PCDHB9: variants seen among roughly 807,000 people sequenced by gnomAD.
PCDHB9 encodes the protein protocadherin beta 9, also known as protocadherin beta-9.
For synonymous variants in PCDHB9, 501 were observed against 439.7 expected, an observed-to-expected ratio of 1.14 and a Z score of -1.75; for missense variants, 1,072 against 995.1, an observed-to-expected ratio of 1.08 and a Z score of -1.04.
At position 141,188,848 on chromosome 5, in the gene PCDHB9, T is replaced by C. The variant is rs199746910; in HGVS notation, c.1530T>C (p.Asn510=). ...LASLVSINAD[N]GHLFALRSLD... is the part of the protein sequence containing the mutation. ...CCCTGGTCTCCATCAACGCGGACAA[T>C]GGCCACCTGTTTGCCCTCAGGTCGC... Residue 510 remains asparagine, a synonymous_variant, in exon 1 of 1, where the codon AAT becomes AAC. Transcript: ENST00000316105. 3,200 of 1,612,844 alleles carry C rather than the reference T, an allele frequency of 2.0e-3. 73 individuals carry two copies. In the African/African-American group the frequency reaches 0.035, roughly 18 times the overall value.
At position 141,187,674 on chromosome 5, in the gene PCDHB9, C is replaced by A; in HGVS notation, c.356C>A (p.Ala119Asp). The A allele has an allele frequency of 6.2e-7, 1 of 1,613,970 alleles. No individual in the cohort carries two copies. The highest frequency in any genetic ancestry group is 8.5e-7 in the Non-Finnish European group (1 of 1,180,000). The change falls in exon 1 of 1, where the codon GCT becomes GAT. Residue 119 changes from alanine (A) to aspartate (D), a missense_variant. By Grantham distance (126) the Ala-to-Asp change is moderately radical. Transcript: ENST00000316105. The stretch of plus-strand genomic sequence containing the variant: ...GATGATCCCTTTCAGATTTACCGGG[C>A]TGAGCTGAGAGTCAGGGATATAAAT... ...LMDDPFQIYR[A>D]ELRVRDINDH...
chr5:141,188,750 A>C lies in PCDHB9; in HGVS notation c.1432A>C (p.Arg478=). The C allele has an allele frequency of 6.2e-7, 1 of 1,613,222 alleles. No homozygotes were observed. The highest frequency in any genetic ancestry group is 8.5e-7 in the Non-Finnish European group (1 of 1,180,028). ...CATCGGCAGTGTCAGCGCCACAGAC[A>C]GAGACTCAGGCACCAACGCCCAGGT... is the stretch of plus-strand genomic sequence containing the variant. ...LHIGSVSATD[R]DSGTNAQVTY... The change falls in exon 1 of 1, where the codon AGA becomes CGA. Residue 478 remains arginine (R), a synonymous_variant. Transcript: ENST00000316105.
chr5:141,189,340 G>A lies in PCDHB9; in HGVS notation c.2022G>A (p.Pro674=). Residue 674 remains proline, a synonymous_variant, in exon 1 of 1, where the codon CCG becomes CCA. Coordinates refer to ENST00000316105, the MANE Select transcript of PCDHB9 (RefSeq NM_019119.5). The stretch of plus-strand genomic sequence containing the variant: ...TCTCCCAGCCCTACCTGCCTCTCCC[G>A]GAGGCGGCCCCGGCCCAGGCCCAGG... ...DGFSQPYLPL[P]EAAPAQAQAD... 8 of 1,611,180 alleles carry A rather than the reference G, an allele frequency of 5.0e-6. No homozygotes were observed. The highest frequency in any genetic ancestry group is 1.1e-5 in the South Asian group (1 of 91,022).
Position 141,187,270 on chromosome 5 carries a change from T to A in PCDHB9, c.-49T>A. 6.4e-7 allele frequency: 1 copy of A among 1,553,818 alleles called. No homozygotes were observed. The highest frequency in any genetic ancestry group is 8.7e-7 in the Non-Finnish European group (1 of 1,145,516). On this transcript the variant is annotated 5_prime_UTR_variant, in exon 1 of 1. The change creates a new upstream start codon in the 5' untranslated region. Transcript: ENST00000316105. ...ATAAGTCTGGGTTTGCGATTGCTAT[T>A]TGTGCTGGGGCAGTGTGATTGAGAC...
In PCDHB9 at chr5:141,188,191, G is replaced by T. The variant is rs782811539; in HGVS notation, c.873G>T (p.Thr291=). 3.7e-6 allele frequency: 6 copies of T among 1,611,238 alleles called. No individual in the cohort carries two copies. Among genetic ancestry groups the T allele is most frequent in the Non-Finnish European group, 5.1e-6 (6 of 1,178,430 alleles). The change falls in exon 1 of 1, where the codon ACG becomes ACT. Residue 291 remains threonine (T), a synonymous_variant. Coordinates refer to ENST00000316105, the MANE Select transcript of PCDHB9 (RefSeq NM_019119.5). Reference sequence around the variant, plus strand: ...ATGCTTCTGAAGATATTTTAACAACGTTTCAAATCAATCCTTTTTCTGGGG... The same window carrying T: ...ATGCTTCTGAAGATATTTTAACAACTTTTCAAATCAATCCTTTTTCTGGGG... ...FFDASEDILT[T]FQINPFSGEI...
chr5:141,189,635 C>T lies in PCDHB9; in HGVS notation c.2317C>T (p.His773Tyr), dbSNP rs1230699647. 1.2e-6 allele frequency: 2 copies of T among 1,613,982 alleles called. No homozygotes were observed. Among genetic ancestry groups the T allele is most frequent in the Non-Finnish European group, 1.7e-6 (2 of 1,180,020 alleles). ...EFKFLKPITP[H>Y]LPPHRGGKEI... Reference sequence around the variant, plus strand: ...CAAGTTCTTGAAGCCGATTACCCCCCACCTCCCGCCCCATAGGGGTGGGAA... The same window carrying T: ...CAAGTTCTTGAAGCCGATTACCCCCTACCTCCCGCCCCATAGGGGTGGGAA... The change falls in exon 1 of 1, where the codon CAC becomes TAC. Residue 773 changes from histidine to tyrosine, a missense_variant. His to Tyr is a moderately conservative substitution (Grantham distance 83). Coordinates refer to ENST00000316105, the MANE Select transcript of PCDHB9 (RefSeq NM_019119.5).
At position 141,189,841 on chromosome 5, in the gene PCDHB9, T is replaced by G; in HGVS notation, c.*129T>G. On this transcript the variant is annotated 3_prime_UTR_variant, in exon 1 of 1. Coordinates refer to ENST00000316105, the MANE Select transcript of PCDHB9 (RefSeq NM_019119.5). Reference sequence around the variant, plus strand: ...CATCTTCAACTTTGCGTATTATGCTTAACTTCACAAGTTAACTTTTTCTTA... The same window carrying G: ...CATCTTCAACTTTGCGTATTATGCTGAACTTCACAAGTTAACTTTTTCTTA... 1.3e-6 allele frequency: 1 copy of G among 742,188 alleles called. No individual in the cohort carries two copies. The allele number at this position is 742,188 out of a possible 1,614,324, so 46.0% of individuals were successfully genotyped here. A position where few individuals can be genotyped will look rare whatever the true frequency, so the allele number is the denominator to read the frequency against.
Position 141,188,222 on chromosome 5 carries a change from T to A in PCDHB9, c.904T>A (p.Phe302Ile), listed in dbSNP as rs536403080. 2.5e-5 allele frequency: 41 copies of A among 1,613,084 alleles called. No homozygotes were observed. The East Asian group carries it at 9.1e-4, about 36-fold the overall frequency. ...AATCAATCCTTTTTCTGGGGAAATC[T>A]TTCTCAGAGAATTGCTTGATTATGA... is the stretch of plus-strand genomic sequence containing the variant. ...FQINPFSGEI[F>I]LRELLDYELV... The change falls in exon 1 of 1, where the codon TTT becomes ATT. Residue 302 changes from phenylalanine to isoleucine, a missense_variant. Phe to Ile is a conservative substitution (Grantham distance 21). Transcript: ENST00000316105.
chr5:141,188,365 A>G lies in PCDHB9; in HGVS notation c.1047A>G (p.Ile349Met). 2 of 1,614,088 alleles carry G rather than the reference A, an allele frequency of 1.2e-6. No homozygotes were observed. Among genetic ancestry groups the G allele is most frequent in the Non-Finnish European group, 1.7e-6 (2 of 1,179,968 alleles). The change falls in exon 1 of 1, where the codon ATA becomes ATG. Residue 349 changes from isoleucine (I) to methionine (M), a missense_variant. Transcript: ENST00000316105. ...ATGACAATCCTCCTGAACTGATCAT[A>G]TCATCACTTTCCAACTCTGTTGCTG... ...DSNDNPPELI[I>M]SSLSNSVAEN...
rs1032686641 is a variant in PCDHB9 at position 141,190,959 on chromosome 5, T to C, written c.*1247T>C. 6 of 152,262 alleles carry C rather than the reference T, an allele frequency of 3.9e-5. No homozygotes were observed. The highest frequency in any genetic ancestry group is 7.4e-5 in the Non-Finnish European group (5 of 68,026). The allele number at this position is 152,262 out of a possible 1,614,324, so 9.4% of individuals were successfully genotyped here. ...AGACAAAATAGAGCTTCTTTCTAGA[T>C]ATAAGGTCTTTGAGGCAGGGCTCAG... is the stretch of plus-strand genomic sequence containing the variant. On this transcript the variant is annotated 3_prime_UTR_variant, in exon 1 of 1. Transcript: ENST00000316105.
rs1753884520 is a variant in PCDHB9, at chr5:141,190,711, T to G, written c.*999T>G. ...TATAGGATCATGTGAAAATATTTAA[T>G]TTGCTCCTTTTAATTCTGTATAAAC... On this transcript the variant is annotated 3_prime_UTR_variant, in exon 1 of 1. Coordinates refer to ENST00000316105, the MANE Select transcript of PCDHB9 (RefSeq NM_019119.5). 6.7e-6 allele frequency: 1 copy of G among 149,456 alleles called. No individual in the cohort carries two copies. The highest frequency in any genetic ancestry group is 2.5e-5 in the African/African-American group (1 of 40,552). The allele number at this position is 149,456 out of a possible 1,614,324, so 9.3% of individuals were successfully genotyped here. A position where few individuals can be genotyped will look rare whatever the true frequency, so the allele number is the denominator to read the frequency against.
chr5:141,189,003 T>C lies in PCDHB9; in HGVS notation c.1685T>C (p.Leu562Pro), dbSNP rs782819620. 29 of 1,611,056 alleles carry C rather than the reference T, an allele frequency of 1.8e-5. No homozygotes were observed. In the Admixed American group the frequency reaches 4.0e-4, roughly 22 times the overall value. ...LDANDNSPFVLYPLQNGSAPC... is the reference protein window; with the variant it reads ...LDANDNSPFVPYPLQNGSAPC... ...GCCAACGACAACTCGCCCTTCGTGC[T>C]GTACCCGCTGCAGAACGGCTCCGCG... Residue 562 changes from leucine (L) to proline (P), a missense_variant, in exon 1 of 1, where the codon CTG (leucine) becomes CCG (proline). Leu to Pro is a moderately conservative substitution (Grantham distance 98). Coordinates refer to ENST00000316105, the MANE Select transcript of PCDHB9 (RefSeq NM_019119.5).
rs1753766961 is a variant in PCDHB9, at chr5:141,187,576, A to C, written c.258A>C (p.Thr86=). The change falls in exon 1 of 1, where the codon ACA becomes ACC. Residue 86 remains threonine (T), a synonymous_variant. Coordinates refer to ENST00000316105, the MANE Select transcript of PCDHB9 (RefSeq NM_019119.5). ...LLDSHTGNLL[T]NEKLDREKLC... ...ATTCACATACCGGGAATTTGCTCAC[A>C]AATGAGAAACTGGACCGAGAGAAGC... is the stretch of plus-strand genomic sequence containing the variant. 6.2e-7 allele frequency: 1 copy of C among 1,609,918 alleles called. No individual in the cohort carries two copies. The highest frequency in any genetic ancestry group is 1.3e-5 in the African/African-American group (1 of 74,692).
rs542867872 is a variant in PCDHB9, at chr5:141,188,094, C to A, written c.776C>A (p.Ser259Tyr). 20 of 1,613,634 alleles carry A rather than the reference C, an allele frequency of 1.2e-5. No homozygotes were observed. In the South Asian group the frequency reaches 2.2e-4, roughly 18 times the overall value. Residue 259 changes from serine to tyrosine, a missense_variant, in exon 1 of 1, where the codon TCC (serine) becomes TAC (tyrosine). Transcript: ENST00000316105. Reference protein sequence around the residue: ...TQAPENSPVGSLIVKVSAGDA... With the variant: ...TQAPENSPVGYLIVKVSAGDA... ...GCTCCAGAAAACAGTCCAGTAGGGTCCCTTATTGTTAAAGTGTCTGCAGGA... is the reference window on the plus strand; with the variant it reads ...GCTCCAGAAAACAGTCCAGTAGGGTACCTTATTGTTAAAGTGTCTGCAGGA...
In PCDHB9 at chr5:141,189,373, G is replaced by A; in HGVS notation, c.2055G>A (p.Leu685=). Residue 685 remains leucine (L), a synonymous_variant, in exon 1 of 1, where the codon TTG becomes TTA. Coordinates refer to ENST00000316105, the MANE Select transcript of PCDHB9 (RefSeq NM_019119.5). ...CCCCGGCCCAGGCCCAGGCCGACTTGCTCACCGTCTACCTGGTGGTGGCGT... is the reference window on the plus strand; with the variant it reads ...CCCCGGCCCAGGCCCAGGCCGACTTACTCACCGTCTACCTGGTGGTGGCGT... The part of the protein sequence containing the change: ...EAAPAQAQAD[L]LTVYLVVALA... 1 of 1,611,712 alleles carries A rather than the reference G, an allele frequency of 6.2e-7. No homozygotes were observed. Among genetic ancestry groups the A allele is most frequent in the Non-Finnish European group, 8.5e-7 (1 of 1,179,792 alleles).
In PCDHB9 at chr5:141,189,754, TC is replaced by T; in HGVS notation, c.*43del. Reference sequence around the variant, plus strand: ...AAAGACATTTACTTCTTTAATATATTCTTGTTGGCTAACTAAATTGTGTATG... The same window carrying T: ...AAAGACATTTACTTCTTTAATATATTTTGTTGGCTAACTAAATTGTGTATG... On this transcript the variant is annotated 3_prime_UTR_variant, in exon 1 of 1. Transcript: ENST00000316105. 6.7e-7 allele frequency: 1 copy of T among 1,491,080 alleles called. No individual in the cohort carries two copies. Among genetic ancestry groups the T allele is most frequent in the Non-Finnish European group, 9.0e-7 (1 of 1,107,762 alleles). 92.4% of individuals were successfully genotyped at this position (1,491,080 alleles called of 1,614,324 possible). A position where few individuals can be genotyped will look rare whatever the true frequency, so the allele number is the denominator to read the frequency against.
Position 141,188,690 on chromosome 5 carries a change from C to T in PCDHB9, c.1372C>T (p.Leu458=). Residue 458 remains leucine (L), a synonymous_variant, in exon 1 of 1, where the codon CTG becomes TTG. Coordinates refer to ENST00000316105, the MANE Select transcript of PCDHB9 (RefSeq NM_019119.5). ...CGCCTTCACCCAAACCTCCTACACC[C>T]TGTTCGTCCGGGAGAACAACAGCCC... The part of the protein sequence containing the change: ...APAFTQTSYT[L]FVRENNSPAL... 5 of 1,614,068 alleles carry T rather than the reference C, an allele frequency of 3.1e-6. No homozygotes were observed. The highest frequency in any genetic ancestry group is 4.2e-6 in the Non-Finnish European group (5 of 1,180,040).
At position 141,188,361 on chromosome 5, in the gene PCDHB9, T is replaced by C; in HGVS notation, c.1043T>C (p.Ile348Thr). 1 of 1,614,090 alleles carries C rather than the reference T, an allele frequency of 6.2e-7. No homozygotes were observed. The highest frequency in any genetic ancestry group is 1.1e-5 in the South Asian group (1 of 91,082). Residue 348 changes from isoleucine to threonine, a missense_variant, in exon 1 of 1, where the codon ATC becomes ACC. Physicochemically the swap from Ile to Thr is moderately conservative, Grantham distance 89. Transcript: ENST00000316105. ...LDSNDNPPEL[I>T]ISSLSNSVAE... ...TCCAATGACAATCCTCCTGAACTGA[T>C]CATATCATCACTTTCCAACTCTGTT...
In PCDHB9 at chr5:141,188,847, A is replaced by G. The variant is rs375582279; in HGVS notation, c.1529A>G (p.Asn510Ser). Reference sequence around the variant, plus strand: ...TCCCTGGTCTCCATCAACGCGGACAATGGCCACCTGTTTGCCCTCAGGTCG... The same window carrying G: ...TCCCTGGTCTCCATCAACGCGGACAGTGGCCACCTGTTTGCCCTCAGGTCG... ...LASLVSINAD[N>S]GHLFALRSLD... Residue 510 changes from asparagine (N) to serine (S), a missense_variant, in exon 1 of 1, where the codon AAT becomes AGT. By Grantham distance (46) the Asn-to-Ser change is conservative. Coordinates refer to ENST00000316105, the MANE Select transcript of PCDHB9 (RefSeq NM_019119.5). 266 of 1,612,768 alleles carry G rather than the reference A, an allele frequency of 1.6e-4. 1 individual carries two copies. Among genetic ancestry groups the G allele is most frequent in the Non-Finnish European group, 1.1e-4 (135 of 1,179,984 alleles).
Sources: allele counts gnomAD v4.1 joint callset, GRCh38; gene constraint gnomAD v4.1.1; transcripts MANE v1.5; gene names NCBI Gene and HGNC (gene_info 2026-07-23, HGNC 2026-07-21).